The following ODR4 variants were observed in gnomAD, a reference collection of about 807,000 sequenced individuals.
The protein encoded by ODR4 is protein odr-4 homolog.
In ODR4, 47 loss-of-function variants were observed where a neutral mutation model predicts 60.2. The observed-to-expected ratio is 0.78, with a 90% CI of 0.62 to 1.00. The LOEUF is 1.00. ODR4 is among the 50% of genes least tolerant of loss of function. The pLI, the probability that ODR4 is intolerant of heterozygous loss-of-function variation, is 0.00. For synonymous variants in ODR4, 178 were observed against 175.5 expected, an observed-to-expected ratio of 1.01 and a Z score of -0.11; for missense variants, 488 against 530.8, an observed-to-expected ratio of 0.92 and a Z score of 0.79.
intron 1 of ODR4, among the ~76,000 whole-genome samples, chr1:186,379,307 G>T: frequency 6.6e-6 from 1 of 152,046 alleles, no homozygotes; most frequent in Non-Finnish European, 1.5e-5. Flanking sequence ...GCCGGGCATG[G>T]TCGTGAGCCC....
At chr1:186,402,226 C>CTTTCTT (rs1553237007) in intron 11 of ODR4, among the ~76,000 whole-genome samples, 3 of 149,260 alleles carry the variant, frequency 2.0e-5, no homozygotes, top group East Asian at 3.9e-4. Flanking sequence ...TTCTTTCTTT[C>CTTTCTT]TTTCTTTCCT....
chr1:186,433,490 CATT>C, the ODR4 span, among the ~76,000 whole-genome samples: 1 of 152,046 alleles, frequency 6.6e-6, no homozygotes, highest in African/African-American at 2.4e-5. Flanking sequence ...TATACTAGTT[CATT>C]ATTAACTTTT....
At chr1:186,412,522 A>G (rs943297517) in intron 12 of ODR4, among the ~76,000 whole-genome samples, 1 of 152,198 alleles carries the variant, frequency 6.6e-6, no homozygotes, top group Admixed American at 6.5e-5. Context: ...TGATATAGTA[A>G]TTCTGCATAT....
intron 11 of ODR4, among the ~76,000 whole-genome samples, chr1:186,402,222 CT>C (rs942640353): frequency 1.3e-5 from 2 of 149,466 alleles, no homozygotes; most frequent in East Asian, 3.9e-4. Flanking sequence ...TTCTTTCTTT[CT>C]TTCTTTCTTT....
chr1:186,434,560 A>G, the ODR4 span, among the ~76,000 whole-genome samples: 1 of 152,196 alleles, frequency 6.6e-6, no homozygotes, highest in Non-Finnish European at 1.5e-5. Context: ...TTTCCCTACC[A>G]AAACAAAAGC....
At chr1:186,397,560 G>C (rs939914200) in intron 9 of ODR4, among the ~76,000 whole-genome samples, 9 of 152,090 alleles carry the variant, frequency 5.9e-5, no homozygotes, top group African/African-American at 2.2e-4. Flanking sequence ...TACCAGTTGA[G>C]CATCTCTAAG....
the ODR4 span, among the ~76,000 whole-genome samples, chr1:186,432,125 C>A: frequency 5.3e-5 from 8 of 152,134 alleles, no homozygotes; most frequent in Non-Finnish European, 1.2e-4. Flanking sequence ...GGGAGGGGAC[C>A]TAGGTATTGA....
At chr1:186,402,186 TATTCTTTCTTTCTTTC>T (rs897522855) in intron 11 of ODR4, among the ~76,000 whole-genome samples, 13 of 91,504 alleles carry the variant, frequency 1.4e-4, no homozygotes, top group African/African-American at 5.2e-4. Context: ...ATAGGCATCC[TATTCTTTCTTTCTTTC>T]TTTCTTTCTT....
chr1:186,427,217 A>G, the ODR4 span, among the ~76,000 whole-genome samples: 7 of 152,222 alleles, frequency 4.6e-5, no homozygotes, highest in Non-Finnish European at 7.3e-5. Flanking sequence ...TTTCTGTAGC[A>G]GGTGATGCCA....
chr1:186,418,630 T>G (rs1661674966), intron 13 of ODR4, among the ~76,000 whole-genome samples: 1 of 152,356 alleles, frequency 6.6e-6, no homozygotes, highest in Admixed American at 6.5e-5. Flanking sequence ...TATATTATAA[T>G]GATTGAGAAC....
At chr1:186,378,002 G>A (rs1056727604) in intron 1 of ODR4, among the ~76,000 whole-genome samples, 1 of 151,372 alleles carries the variant, frequency 6.6e-6, no homozygotes, top group African/African-American at 2.4e-5. Context: ...CCGAGATCGC[G>A]CCACTGCACT....
At chr1:186,433,030 C>T in the ODR4 span, among the ~76,000 whole-genome samples, 4 of 152,050 alleles carry the variant, frequency 2.6e-5, no homozygotes, top group East Asian at 1.9e-4. Flanking sequence ...AAGATCCATC[C>T]GCCTCAGCCT....
chr1:186,413,846 C>G (rs534020587), intron 12 of ODR4, among the ~76,000 whole-genome samples: 2 of 152,266 alleles, frequency 1.3e-5, no homozygotes, highest in South Asian at 4.1e-4. Flanking sequence ...TTCTGCCTAC[C>G]TATCAGCAGC....
chr1:186,398,570 G>C, intron 10 of ODR4, 129 bp downstream of exon 10: 1 of 892,898 alleles, frequency 1.1e-6, no homozygotes, highest in Non-Finnish European at 1.6e-6. Context: ...CTATTGTGCA[G>C]TCCAAATGTA....
At chr1:186,422,862 TAAAG>T (rs1365961616), downstream of ODR4, among the ~76,000 whole-genome samples, 3 of 152,104 alleles carry the variant, frequency 2.0e-5, no homozygotes, top group East Asian at 1.9e-4. Flanking sequence ...TAGAAACTGA[TAAAG>T]AATTATATGT....
chr1:186,423,472 T>TA (rs59904095), downstream of ODR4, among the ~76,000 whole-genome samples: 1 of 142,656 alleles, frequency 7.0e-6, no homozygotes, highest in Non-Finnish European at 1.5e-5. Flanking sequence ...TTTTTTTTTT[T>TA]AAGATGGAGT....
At chr1:186,429,115 T>C in the ODR4 span, among the ~76,000 whole-genome samples, 1 of 152,000 alleles carries the variant, frequency 6.6e-6, no homozygotes, top group South Asian at 2.1e-4. Context: ...CTGGTTGTGG[T>C]TGGCACATGC....
At chr1:186,404,163 A>G (rs190293127) in intron 11 of ODR4, among the ~76,000 whole-genome samples, 103 of 152,298 alleles carry the variant, frequency 6.8e-4, no homozygotes, top group Admixed American at 9.8e-4. Flanking sequence ...TTTTGACTTT[A>G]TTCAGATAAT....
chr1:186,410,214 C>T (rs1661321670), intron 12 of ODR4, among the ~76,000 whole-genome samples: 1 of 152,086 alleles, frequency 6.6e-6, no homozygotes, highest in African/African-American at 2.4e-5. Context: ...CCTGTACAGA[C>T]AAGGTTTTTA....
Sources: gnomAD v4.1 joint callset for allele counts (sites outside exome capture counted in the v4.1 genomes callset) on GRCh38, gnomAD v4.1.1 for gene constraint, MANE v1.5 for transcripts, NCBI Gene and HGNC (gene_info 2026-07-23, HGNC 2026-07-21) for gene names.